The following TUBA8 variants were observed in gnomAD, a reference collection of about 807,000 sequenced individuals.
TUBA8 encodes the protein tubulin alpha-8 chain.
Under a neutral mutation model 34.7 loss-of-function variants are expected in TUBA8, and 29 were observed. The observed-to-expected ratio is 0.84, with a 90% CI of 0.62 to 1.14. TUBA8 has a LOEUF of 1.14. TUBA8 is among the 50% of genes most tolerant of loss of function. The pLI is 0.00. For synonymous variants in TUBA8, 226 were observed against 231.2 expected, an observed-to-expected ratio of 0.98 and a Z score of 0.21; for missense variants, 541 against 599.2, an observed-to-expected ratio of 0.90 and a Z score of 1.01.
Position 18,126,294 on chromosome 22 carries a change from C to A in TUBA8, c.376-60C>A. 1 of 1,553,908 alleles carries A rather than the reference C, an allele frequency of 6.4e-7. No homozygotes were observed. Among genetic ancestry groups the A allele is most frequent in the Non-Finnish European group, 8.9e-7 (1 of 1,125,970 alleles). On this transcript the variant is annotated intron_variant, in intron 3 of 4. Coordinates refer to ENST00000330423, the MANE Select transcript of TUBA8 (RefSeq NM_018943.3). The surrounding 1 kb of genome is among the most constrained non-coding windows in gnomAD (Gnocchi z 4.0). ...CAGAGTGGGCGGTCTGGCTTTTTTA[C>A]TGTGGGGTGTTCTCGGAAACTTGTC...
chr22:18,126,015 C>T lies in TUBA8; in HGVS notation c.376-339C>T. 2.9e-6 allele frequency: 1 copy of T among 345,720 alleles called. No individual in the cohort carries two copies. Among genetic ancestry groups the T allele is most frequent in the Non-Finnish European group, 5.5e-6 (1 of 181,952 alleles). 21.4% of individuals were successfully genotyped at this position (345,720 alleles called of 1,614,324 possible). On this transcript the variant is annotated intron_variant, in intron 3 of 4. Transcript: ENST00000330423. The surrounding 1 kb of genome is among the most constrained non-coding windows in gnomAD (Gnocchi z 4.0). ...TAACTGGGACTACAGGTGTGCATCA[C>T]CACGCCCAGTTAACTTTTAAAATTT... is the stretch of plus-strand genomic sequence containing the variant.
At chr22:18,116,311 A>G (rs1005077246) in intron 1 of TUBA8, 15 of 152,370 alleles carry the variant, frequency 9.8e-5, no homozygotes, top group African/African-American at 3.6e-4. Flanking sequence ...ATTGGCGCAG[A>G]TGTGGGCACA....
chr22:18,117,941 A>T (rs1468325043), intron 1 of TUBA8: 2 of 152,172 alleles, frequency 1.3e-5, no homozygotes, highest in Non-Finnish European at 2.9e-5. Context: ...GTGGAAACTG[A>T]ATCTACAGGG....
chr22:18,111,023 C>T lies in TUBA8; in HGVS notation c.3+155C>T, dbSNP rs1927787458. ...TTCAGGGTCGAGGAGTCCGCACCCT[C>T]GGGCGGGAACACCCGGTGCCCTTTA... On this transcript the variant is annotated intron_variant, in intron 1 of 4. Coordinates refer to ENST00000330423, the MANE Select transcript of TUBA8 (RefSeq NM_018943.3). The surrounding 1 kb of genome is among the most constrained non-coding windows in gnomAD (Gnocchi z 5.1). 1 of 1,124,988 alleles carries T rather than the reference C, an allele frequency of 8.9e-7. No homozygotes were observed. Among genetic ancestry groups the T allele is most frequent in the Non-Finnish European group, 1.3e-6 (1 of 782,880 alleles). 69.7% of individuals were successfully genotyped at this position (1,124,988 alleles called of 1,614,324 possible).
chr22:18,116,618 C>A (rs896740737), intron 1 of TUBA8: 1 of 152,212 alleles, frequency 6.6e-6, no homozygotes, highest in African/African-American at 2.4e-5. Context: ...CTTGACTGGC[C>A]CAGCTCTGGT....
In TUBA8 at chr22:18,111,208, G is replaced by C; in HGVS notation, c.3+340G>C. The C allele has an allele frequency of 2.2e-6, 1 of 451,266 alleles. No homozygotes were observed. The highest frequency in any genetic ancestry group is 3.5e-5 in the South Asian group (1 of 28,632). The allele number at this position is 451,266 out of a possible 1,614,324, so 28.0% of individuals were successfully genotyped here. On this transcript the variant is annotated intron_variant, in intron 1 of 4. Coordinates refer to ENST00000330423, the MANE Select transcript of TUBA8 (RefSeq NM_018943.3). The surrounding 1 kb of genome is among the most constrained non-coding windows in gnomAD (Gnocchi z 5.1). Reference sequence around the variant, plus strand: ...GGGCAGCCTGTGGACAGAGTGGAGAGAAGGGCGAGTCCGGGGATTCTGGAT... The same window carrying C: ...GGGCAGCCTGTGGACAGAGTGGAGACAAGGGCGAGTCCGGGGATTCTGGAT...
At chr22:18,130,611 G>C in intron 4 of TUBA8, 1 of 553,170 alleles carries the variant, frequency 1.8e-6, no homozygotes, top group East Asian at 3.0e-5. Flanking sequence ...TTTTTTGGTA[G>C]AGATGGGTTT....
chr22:18,125,130 G>GT (rs774309794), intron 3 of TUBA8: 1 of 152,174 alleles, frequency 6.6e-6, no homozygotes, highest in Admixed American at 6.5e-5. Flanking sequence ...TGCTTACAAC[G>GT]TATCAGGCCC....
Position 18,131,161 on chromosome 22 carries a change from T to TCTCTTTATTTATGCTGTGC in TUBA8, c.*27_*45dup, listed in dbSNP as rs754615257. On this transcript the variant is annotated 3_prime_UTR_variant, in exon 5 of 5. Transcript: ENST00000330423. The surrounding 1 kb of genome is among the most constrained non-coding windows in gnomAD (Gnocchi z 5.3). Reference sequence around the variant, plus strand: ...AATATATACCTTCCCCTTGGCTGTGTCTCTTTATTTATGCTGTGCCATTCA... The same window carrying TCTCTTTATTTATGCTGTGC: ...AATATATACCTTCCCCTTGGCTGTGTCTCTTTATTTATGCTGTGCCTCTTTATTTATGCTGTGCCATTCA... 106 of 1,607,508 alleles carry TCTCTTTATTTATGCTGTGC rather than the reference T, an allele frequency of 6.6e-5. 2 individuals are homozygous for TCTCTTTATTTATGCTGTGC. In the South Asian group the frequency reaches 1.1e-3, roughly 16 times the overall value.
intron 1 of TUBA8, chr22:18,112,757 T>A (rs954207046): frequency 1.3e-5 from 2 of 152,252 alleles, no homozygotes; most frequent in Non-Finnish European, 2.9e-5. Context: ...GTCTAGTAGG[T>A]TCTATCTAGA....
chr22:18,115,492 C>G (rs1220602818), intron 1 of TUBA8: 1 of 152,226 alleles, frequency 6.6e-6, no homozygotes, highest in Non-Finnish European at 1.5e-5. Context: ...GCACCGGGCT[C>G]GGTACTGGGG....
chr22:18,110,932 C>T lies in TUBA8; in HGVS notation c.3+64C>T, dbSNP rs887823469. On this transcript the variant is annotated intron_variant, in intron 1 of 4. Coordinates refer to ENST00000330423, the MANE Select transcript of TUBA8 (RefSeq NM_018943.3). The surrounding 1 kb of genome is among the most constrained non-coding windows in gnomAD (Gnocchi z 6.2). ...GCAGGCGTAGGACCGAGAGCCGAGT[C>T]TACGCGGAGGCGCACGGACCCGTCT... is the stretch of plus-strand genomic sequence containing the variant. 2.0e-6 allele frequency: 3 copies of T among 1,535,578 alleles called. No homozygotes were observed. In the African/African-American group the frequency reaches 4.1e-5, roughly 21 times the overall value.
chr22:18,122,108 C>T (rs1471465114), intron 2 of TUBA8: 1 of 188,166 alleles, frequency 5.3e-6, no homozygotes, highest in African/African-American at 2.3e-5. Context: ...ACAAAGGGGC[C>T]TATCACAGCA....
rs781514350 is a variant in TUBA8, at chr22:18,131,597, A to G, written c.*461A>G. 4.9e-5 allele frequency: 11 copies of G among 224,552 alleles called. No individual in the cohort carries two copies. Among genetic ancestry groups the G allele is most frequent in the Non-Finnish European group, 8.9e-5 (10 of 111,970 alleles). 13.9% of individuals were successfully genotyped at this position (224,552 alleles called of 1,614,324 possible). A position where few individuals can be genotyped will look rare whatever the true frequency, so the allele number is the denominator to read the frequency against. On this transcript the variant is annotated 3_prime_UTR_variant, in exon 5 of 5. Coordinates refer to ENST00000330423, the MANE Select transcript of TUBA8 (RefSeq NM_018943.3). This position sits in a 1 kb window ranked among gnomAD's most constrained non-coding sequence, Gnocchi z 5.3. ...GCTCCGGGCATCATCTAGACTTAGC[A>G]TGCATTCACTCCCCCATCACATATT...
intron 4 of TUBA8, chr22:18,129,498 C>T (rs1356791001): frequency 6.6e-6 from 1 of 152,218 alleles, no homozygotes; most frequent in Non-Finnish European, 1.5e-5. Flanking sequence ...ACAGGTTGGC[C>T]CAGGCACAAG....
At chr22:18,122,435 A>G (rs1928174857) in intron 2 of TUBA8, 1 of 152,432 alleles carries the variant, frequency 6.6e-6, no homozygotes, top group South Asian at 2.1e-4. Flanking sequence ...GCTTTGCACC[A>G]ATGCACAAAG....
In TUBA8 at chr22:18,121,380, G is replaced by A. The variant is rs1262075344; in HGVS notation, c.4-99G>A. The A allele has an allele frequency of 5.6e-6, 6 of 1,079,844 alleles. No individual in the cohort carries two copies. In the Admixed American group the frequency reaches 1.0e-4, roughly 19 times the overall value. The allele number at this position is 1,079,844 out of a possible 1,614,324, so 66.9% of individuals were successfully genotyped here. A position where few individuals can be genotyped will look rare whatever the true frequency, so the allele number is the denominator to read the frequency against. On this transcript the variant is annotated intron_variant, in intron 1 of 4. Coordinates refer to ENST00000330423, the MANE Select transcript of TUBA8 (RefSeq NM_018943.3). This position sits in a 1 kb window ranked among gnomAD's most constrained non-coding sequence, Gnocchi z 4.8. ...AACGCCAACTGGCAATGGGGGGCTG[G>A]GGCCTGGCTGGCCTGCAAGGTGAAT...
Position 18,127,035 on chromosome 22 carries a change from G to A in TUBA8, c.1056+1G>A. 2 of 1,614,134 alleles carry A rather than the reference G, an allele frequency of 1.2e-6. No homozygotes were observed. The highest frequency in any genetic ancestry group is 1.7e-6 in the Non-Finnish European group (2 of 1,180,036). ...AGACTGGTGTCCCACAGGCTTCAAG[G>A]TGAGAGCTGATGACTTAGGAAGGGG... On this transcript the variant is annotated splice_donor_variant, in intron 4 of 4. Coordinates refer to ENST00000330423, the MANE Select transcript of TUBA8 (RefSeq NM_018943.3). LOFTEE classifies it high-confidence loss of function.
At position 18,121,529 on chromosome 22, in the gene TUBA8, T is replaced by C. The variant is rs752944205; in HGVS notation, c.54T>C (p.Asn18=). Residue 18 remains asparagine, a synonymous_variant, in exon 2 of 5, where the codon AAT becomes AAC. Coordinates refer to ENST00000330423, the MANE Select transcript of TUBA8 (RefSeq NM_018943.3). This position sits in a 1 kb window ranked among gnomAD's most constrained non-coding sequence, Gnocchi z 4.8. ...HVGQAGVQIG[N]ACWELFCLEH... ...GCCAAGCGGGAGTTCAGATTGGCAA[T>C]GCCTGCTGGGAGCTCTTCTGCCTGG... The C allele has an allele frequency of 6.2e-7, 1 of 1,614,224 alleles. No individual in the cohort carries two copies.
Sources: gnomAD v4.1 joint callset for allele counts on GRCh38, gnomAD v4.1.1 for gene constraint, Gnocchi (gnomAD v3.1) non-coding constraint, MANE v1.5 for transcripts, NCBI Gene and HGNC (gene_info 2026-07-23, HGNC 2026-07-21) for gene names.